The following ARF4 variants were observed in gnomAD, a reference collection of about 807,000 sequenced individuals.
The protein encoded by ARF4 is ADP-ribosylation factor 4.
ARF4 carries 5 observed loss-of-function variants against 24.3 expected under a neutral mutation model. The observed-to-expected ratio is 0.21, with a 90% CI of 0.11 to 0.43. The LOEUF is 0.43. ARF4 is among the 20% of genes least tolerant of loss of function. ARF4 has a pLI of 1.00. For missense variants in ARF4, 107 were observed against 213.0 expected, an observed-to-expected ratio of 0.50 and a Z score of 3.10; for synonymous variants, 62 against 73.5, an observed-to-expected ratio of 0.84 and a Z score of 0.80.
In ARF4 at chr3:57,575,632, A is replaced by T; in HGVS notation, c.372T>A (p.Phe124Leu). Residue 124 changes from phenylalanine to leucine, a missense_variant, in exon 5 of 6, where the codon TTT becomes TTA. Coordinates refer to ENST00000303436, the MANE Select transcript of ARF4 (RefSeq NM_001660.4). ...CATTTGGCAAATCCTGTTTGTTTGC[A>T]AAAAGTAGCAGCACTGCATCTCTCA... ...DELRDAVLLL[F>L]ANKQDLPNAM... is the part of the protein sequence containing the mutation. The T allele has an allele frequency of 6.2e-7, 1 of 1,613,538 alleles. No individual in the cohort carries two copies.
At position 57,583,795 on chromosome 3, in the gene ARF4, C is replaced by T. The variant is rs2070004349; in HGVS notation, c.258+103G>A. On this transcript the variant is annotated intron_variant, in intron 3 of 5. Coordinates refer to ENST00000303436, the MANE Select transcript of ARF4 (RefSeq NM_001660.4). Reference sequence around the variant, plus strand: ...GAAGTGGTGATAAGACAAATGCCAACTCATAGTAAACACCAATATCCAAGT... The same window carrying T: ...GAAGTGGTGATAAGACAAATGCCAATTCATAGTAAACACCAATATCCAAGT... 8.6e-6 allele frequency: 7 copies of T among 809,564 alleles called. No homozygotes were observed. In the Admixed American group the frequency reaches 1.9e-4, roughly 22 times the overall value. The allele number at this position is 809,564 out of a possible 1,614,324, so 50.1% of individuals were successfully genotyped here.
At chr3:57,583,583 T>G (rs562816707) in intron 3 of ARF4, among the ~76,000 whole-genome samples, 1 of 152,308 alleles carries the variant, frequency 6.6e-6, no homozygotes, top group African/African-American at 2.4e-5. Context: ...AATGACAGTT[T>G]ATACAGACCT....
At chr3:57,588,465 T>C (rs1158872082) in intron 1 of ARF4, among the ~76,000 whole-genome samples, 3 of 152,192 alleles carry the variant, frequency 2.0e-5, no homozygotes, top group Admixed American at 6.5e-5. Flanking sequence ...CCCAGCATGT[T>C]GGGAGGCTGA....
At chr3:57,573,405 T>TC (rs2069863864) in intron 5 of ARF4, among the ~76,000 whole-genome samples, 1 of 152,180 alleles carries the variant, frequency 6.6e-6, no homozygotes, top group South Asian at 2.1e-4. Flanking sequence ...AGTTTACTTT[T>TC]ATTAATTTTT....
In ARF4 at chr3:57,571,905, G is replaced by A; in HGVS notation, c.*307C>T. Reference sequence around the variant, plus strand: ...ATAACTTTAAAACATTATTTGTCTGGGGCTCAAAAAACACTCAAAACAATT... The same window carrying A: ...ATAACTTTAAAACATTATTTGTCTGAGGCTCAAAAAACACTCAAAACAATT... On this transcript the variant is annotated 3_prime_UTR_variant, in exon 6 of 6. Coordinates refer to ENST00000303436, the MANE Select transcript of ARF4 (RefSeq NM_001660.4). 1 of 249,874 alleles carries A rather than the reference G, an allele frequency of 4.0e-6. No homozygotes were observed. The allele number at this position is 249,874 out of a possible 1,614,324, so 15.5% of individuals were successfully genotyped here. A position where few individuals can be genotyped will look rare whatever the true frequency, so the allele number is the denominator to read the frequency against.
At chr3:57,585,513 G>A (rs2153409040) in intron 1 of ARF4, among the ~76,000 whole-genome samples, 1 of 152,168 alleles carries the variant, frequency 6.6e-6, no homozygotes, top group Middle Eastern at 3.4e-3. Context: ...ATTACCTAAT[G>A]TAAACAACGA....
intron 1 of ARF4, among the ~76,000 whole-genome samples, chr3:57,588,024 A>C (rs928339389): frequency 6.6e-6 from 1 of 152,202 alleles, no homozygotes; most frequent in Non-Finnish European, 1.5e-5. Flanking sequence ...ATTTTGAGCC[A>C]CTTCAGTCAT....
chr3:57,590,367 T>C (rs2070097666), intron 1 of ARF4, among the ~76,000 whole-genome samples: 1 of 150,778 alleles, frequency 6.6e-6, no homozygotes, highest in South Asian at 2.1e-4. Flanking sequence ...GTGCCTGTAA[T>C]CCCAGCTACT....
At position 57,575,528 on chromosome 3, in the gene ARF4, A is replaced by G. The variant is rs1273457944; in HGVS notation, c.456+20T>C. The G allele has an allele frequency of 6.2e-7, 1 of 1,601,930 alleles. No homozygotes were observed. Among genetic ancestry groups the G allele is most frequent in the Non-Finnish European group, 8.5e-7 (1 of 1,175,686 alleles). On this transcript the variant is annotated intron_variant, in intron 5 of 5. Coordinates refer to ENST00000303436, the MANE Select transcript of ARF4 (RefSeq NM_001660.4). ...AAGTCTTAATAGTCAAGAGGTTAATATCAACCTCCAAATACTTACTGTTCT... is the reference window on the plus strand; with the variant it reads ...AAGTCTTAATAGTCAAGAGGTTAATGTCAACCTCCAAATACTTACTGTTCT...
At chr3:57,584,351 T>G (rs188811931) in intron 2 of ARF4, 33 bp downstream of exon 2, 1 of 1,477,922 alleles carries the variant, frequency 6.8e-7, no homozygotes, top group Admixed American at 1.7e-5. Context: ...TTACAACATA[T>G]CATGATATAA....
At chr3:57,580,903 G>A (rs950247354) in intron 3 of ARF4, among the ~76,000 whole-genome samples, 1 of 151,802 alleles carries the variant, frequency 6.6e-6, no homozygotes, top group Non-Finnish European at 1.5e-5. Context: ...ATAAGCCACT[G>A]CACCCAGCCT....
chr3:57,573,082 G>A (rs190033003), intron 5 of ARF4, among the ~76,000 whole-genome samples: 254 of 151,594 alleles, frequency 1.7e-3, no homozygotes, highest in African/African-American at 6.0e-3. Flanking sequence ...GGCGCCTGTA[G>A]TCCCAGCTAC....
intron 5 of ARF4, 25 bp from the exon 6 acceptor site, chr3:57,572,323 CTTGA>C: frequency 1.9e-6 from 3 of 1,557,756 alleles, no homozygotes; most frequent in African/African-American, 1.4e-5. Flanking sequence ...CAAGAAAATA[CTTGA>C]TTAACAAAGT....
At chr3:57,581,641 A>T (rs1286821505) in intron 3 of ARF4, among the ~76,000 whole-genome samples, 3 of 152,190 alleles carry the variant, frequency 2.0e-5, no homozygotes, top group Admixed American at 2.0e-4. Context: ...TCTCTACTAA[A>T]AATACAAAAT....
intron 2 of ARF4, 144 bp downstream of exon 2, chr3:57,584,240 G>A: frequency 3.5e-6 from 3 of 866,596 alleles, no homozygotes; most frequent in Non-Finnish European, 5.4e-6. Flanking sequence ...TGGGATTACA[G>A]GCATGAGCCA....
intron 5 of ARF4, among the ~76,000 whole-genome samples, chr3:57,574,467 G>A (rs1418870338): frequency 1.3e-5 from 2 of 149,738 alleles, no homozygotes; most frequent in Non-Finnish European, 3.0e-5. Context: ...GGGGTGCAAT[G>A]GGCACAATCA....
intron 1 of ARF4, among the ~76,000 whole-genome samples, chr3:57,592,030 CT>C (rs1336849702): frequency 1.3e-5 from 2 of 152,150 alleles, no homozygotes; most frequent in African/African-American, 4.8e-5. Context: ...GAACTGTACA[CT>C]TTAACAGGGT....
At chr3:57,587,171 T>C (rs1031553313) in intron 1 of ARF4, among the ~76,000 whole-genome samples, 1 of 151,544 alleles carries the variant, frequency 6.6e-6, no homozygotes, top group Admixed American at 6.6e-5. Flanking sequence ...ATACAGAAAC[T>C]AGCTGGATGT....
At chr3:57,584,133 C>A in intron 2 of ARF4, 126 bp from the exon 3 acceptor site, 1 of 750,006 alleles carries the variant, frequency 1.3e-6, no homozygotes, top group South Asian at 1.9e-5. Flanking sequence ...TATATTTAAG[C>A]CTAAACATCA....
Sources: gnomAD v4.1 joint callset for allele counts (sites outside exome capture counted in the v4.1 genomes callset) on GRCh38, gnomAD v4.1.1 for gene constraint, MANE v1.5 for transcripts, NCBI Gene and HGNC (gene_info 2026-07-23, HGNC 2026-07-21) for gene names.